The following CTNND2 variants were observed in gnomAD, a reference collection of about 807,000 sequenced individuals.
CTNND2 encodes catenin delta 2.
Under a neutral mutation model 144.4 loss-of-function variants are expected in CTNND2, and 22 were observed. That is an observed-to-expected ratio of 0.15 (90% confidence interval 0.11 to 0.22). CTNND2 has a LOEUF of 0.22. Ranked by LOEUF, CTNND2 falls within the 10% of genes least tolerant of loss-of-function variation. The pLI is 1.00. For missense variants in CTNND2, 1,353 were observed against 1,618.8 expected (o/e 0.84, Z 2.82); for synonymous variants, 751 against 695.6 (o/e 1.08, Z -1.25).
chr5:11,678,808 T>C (rs1784296436), intron 2 of CTNND2, among the ~76,000 whole-genome samples: 1 of 152,108 alleles, frequency 6.6e-6, no homozygotes, highest in Non-Finnish European at 1.5e-5. Context: ...TTCCGGCCTA[T>C]ATACGTGAAA....
chr5:11,493,661 G>C (rs2149997380), intron 3 of CTNND2, among the ~76,000 whole-genome samples: 1 of 152,290 alleles, frequency 6.6e-6, no homozygotes, highest in East Asian at 1.9e-4. Context: ...ACTTTGACAA[G>C]AGCTGTTGCC....
At chr5:11,837,066 G>A (rs1246740190) in intron 1 of CTNND2, among the ~76,000 whole-genome samples, 1 of 152,218 alleles carries the variant, frequency 6.6e-6, no homozygotes, top group Non-Finnish European at 1.5e-5. Flanking sequence ...TCTGGTACTT[G>A]TTGTTTTCTG....
chr5:11,442,817 T>TATATGATTATATTATAATTTTATATA (rs1764383658), intron 3 of CTNND2, among the ~76,000 whole-genome samples: 1 of 143,662 alleles, frequency 7.0e-6, no homozygotes, highest in Non-Finnish European at 1.5e-5. Context: ...TTTTATATAA[T>TATATGATTATATTATAATTTTATATA]ATATAATGAT....
chr5:11,392,218 G>A (rs1759697314), intron 6 of CTNND2, among the ~76,000 whole-genome samples: 1 of 152,128 alleles, frequency 6.6e-6, no homozygotes, highest in Non-Finnish European at 1.5e-5. Context: ...CTTGAGTACT[G>A]ATTTTTCCTA....
At chr5:11,140,209 A>T (rs537722481) in intron 12 of CTNND2, among the ~76,000 whole-genome samples, 1 of 152,300 alleles carries the variant, frequency 6.6e-6, no homozygotes, top group East Asian at 1.9e-4. Flanking sequence ...TTTTCATTAC[A>T]GTTGGGCATA....
At chr5:11,897,024 C>T (rs1174565512) in intron 1 of CTNND2, among the ~76,000 whole-genome samples, 1 of 152,146 alleles carries the variant, frequency 6.6e-6, no homozygotes, top group African/African-American at 2.4e-5. Context: ...GTTAATGAGA[C>T]AATTTGTACT....
intron 2 of CTNND2, among the ~76,000 whole-genome samples, chr5:11,573,838 G>A (rs1777765215): frequency 6.6e-6 from 1 of 152,086 alleles, no homozygotes; most frequent in African/African-American, 2.4e-5. Flanking sequence ...ATTCTGCAGT[G>A]TTCCATCTGC....
chr5:11,389,943 G>GAATTTTGTC (rs1173504336), intron 6 of CTNND2, among the ~76,000 whole-genome samples: 2 of 152,160 alleles, frequency 1.3e-5, no homozygotes, highest in African/African-American at 4.8e-5. Flanking sequence ...AAATACAAAT[G>GAATTTTGTC]AATTTTGTCT....
chr5:11,847,130 ATATATATATAT>A, intron 1 of CTNND2, among the ~76,000 whole-genome samples: 1 of 8,500 alleles, frequency 1.2e-4, no homozygotes, highest in South Asian at 2.7e-3. Flanking sequence ...CAAAGATTTT[ATATATATATAT>A]ATATATATAT....
chr5:10,974,862 A>G (rs1234911474), intron 21 of CTNND2, among the ~76,000 whole-genome samples: 1 of 152,220 alleles, frequency 6.6e-6, no homozygotes, highest in Non-Finnish European at 1.5e-5. Flanking sequence ...CTTACACATA[A>G]TTCTTCTCTC....
At chr5:11,864,028 A>G (rs1055845240) in intron 1 of CTNND2, among the ~76,000 whole-genome samples, 9 of 152,170 alleles carry the variant, frequency 5.9e-5, no homozygotes, top group Admixed American at 6.5e-5. Flanking sequence ...CTGCTGCATC[A>G]TGAATTGATC....
rs1223710973 is a variant in CTNND2 at position 11,641,750 on chromosome 5, GTATGTACATACATATACGTATA to G, written c.175-76716_175-76695del. ...CGTGTGTGTATATACATATACGTGT[GTATGTACATACATATACGTATA>G]TGTATGTACATACATACACGTGTAC... is the stretch of plus-strand genomic sequence containing the variant. On this transcript the variant is annotated intron_variant, in intron 2 of 21. Transcript: ENST00000304623. Among the ~76,000 whole-genome samples the G allele has an allele frequency of 5.1e-5, 7 of 138,396 alleles. No individual in the cohort carries two copies. The East Asian group carries it at 6.9e-4, about 14-fold the overall frequency. 90.8% of individuals were successfully genotyped at this position (138,396 alleles called of 152,430 possible).
At chr5:11,098,972 A>G (rs1561300150) in intron 14 of CTNND2, among the ~76,000 whole-genome samples, 1 of 152,050 alleles carries the variant, frequency 6.6e-6, no homozygotes, top group East Asian at 1.9e-4. Flanking sequence ...GGGTTGGTGT[A>G]TGCACGCAAG....
intron 2 of CTNND2, among the ~76,000 whole-genome samples, chr5:11,650,504 G>A (rs1782593432): frequency 6.6e-6 from 1 of 152,200 alleles, no homozygotes; most frequent in East Asian, 1.9e-4. Flanking sequence ...TGGATAATGG[G>A]CAGAGGTTGG....
At chr5:11,010,906 G>A (rs759250985) in intron 18 of CTNND2, among the ~76,000 whole-genome samples, 14 of 152,190 alleles carry the variant, frequency 9.2e-5, no homozygotes, top group East Asian at 1.9e-4. Flanking sequence ...TTAGTTTTAC[G>A]TTTTCTTTCT....
At chr5:11,634,609 A>G (rs759348301) in intron 2 of CTNND2, among the ~76,000 whole-genome samples, 4 of 152,182 alleles carry the variant, frequency 2.6e-5, no homozygotes, top group African/African-American at 9.7e-5. Context: ...TCAGATCAGG[A>G]AAGTTGAATA....
intron 2 of CTNND2, among the ~76,000 whole-genome samples, chr5:11,679,478 T>A (rs1206825035): frequency 6.6e-6 from 1 of 152,136 alleles, no homozygotes. Flanking sequence ...TATTAGCAGG[T>A]TTCTCTGAAA....
rs182302932 is a variant in CTNND2 at position 11,875,712 on chromosome 5, C to T, written c.37+28105G>A. Among the ~76,000 whole-genome samples, 250 of 152,250 alleles carry T rather than the reference C, an allele frequency of 1.6e-3. 1 individual carries two copies. Among genetic ancestry groups the T allele is most frequent in the African/African-American group, 4.0e-3 (166 of 41,556 alleles). On this transcript the variant is annotated intron_variant, in intron 1 of 21. Coordinates refer to ENST00000304623, the MANE Select transcript of CTNND2 (RefSeq NM_001332.4). The stretch of plus-strand genomic sequence containing the variant: ...GCTGGCAGTCTGATTTTGGACTTCC[C>T]GGCTTTCAGAACTGTGGGGAATAAA...
chr5:11,425,000 T>C (rs1762665343), intron 3 of CTNND2, among the ~76,000 whole-genome samples: 1 of 152,214 alleles, frequency 6.6e-6, no homozygotes, highest in Non-Finnish European at 1.5e-5. Context: ...ATACCAATCA[T>C]ACTGCCCATT....
Sources: gnomAD v4.1 joint callset for allele counts (sites outside exome capture counted in the v4.1 genomes callset) on GRCh38, gnomAD v4.1.1 for gene constraint, MANE v1.5 for transcripts, NCBI Gene and HGNC (gene_info 2026-07-23, HGNC 2026-07-21) for gene names.